The following MRPS6 variants were observed in gnomAD, a reference collection of about 807,000 sequenced individuals.
MRPS6 encodes mitochondrial ribosomal protein S6.
Under a neutral mutation model 13.1 loss-of-function variants are expected in MRPS6, and 6 were observed. That is an observed-to-expected ratio of 0.46 (90% CI 0.25 to 0.91). The LOEUF is 0.91. MRPS6 is among the 40% of genes least tolerant of loss of function. MRPS6 has a pLI of 0.18. For synonymous variants in MRPS6, 61 were observed against 56.5 expected (o/e 1.08, Z -0.36); for missense variants, 164 against 155.6 (o/e 1.05, Z -0.29).
At chr21:34,135,415 G>A (rs62212136) in intron 2 of MRPS6, 22,803 of 398,962 alleles carry the variant, frequency 0.057, 756 homozygotes, top group Middle Eastern at 0.096. Context: ...TGGTTTATTG[G>A]GCATCAGCTG....
At chr21:34,083,007 C>T (rs2148654100) in intron 1 of MRPS6, among the ~76,000 whole-genome samples, 1 of 152,264 alleles carries the variant, frequency 6.6e-6, no homozygotes, top group South Asian at 2.1e-4. Context: ...TTTATTGGAG[C>T]CCTCAATCCT....
intron 1 of MRPS6, among the ~76,000 whole-genome samples, chr21:34,077,577 A>G (rs1174142273): frequency 6.6e-6 from 1 of 152,186 alleles, no homozygotes; most frequent in Non-Finnish European, 1.5e-5. Flanking sequence ...GCATTTATAT[A>G]TATATATCTT....
At chr21:34,085,346 G>A (rs1978327821) in intron 1 of MRPS6, among the ~76,000 whole-genome samples, 1 of 152,148 alleles carries the variant, frequency 6.6e-6, no homozygotes, top group African/African-American at 2.4e-5. Context: ...CACACCGGGA[G>A]GCATACCACT....
intron 1 of MRPS6, among the ~76,000 whole-genome samples, chr21:34,114,764 A>G (rs1341080271): frequency 6.6e-6 from 1 of 152,234 alleles, no homozygotes; most frequent in Non-Finnish European, 1.5e-5. Flanking sequence ...TGATTAAGGA[A>G]CAAAGGTACA....
rs1046176166 is a variant in MRPS6, at chr21:34,097,474, A to G, written c.45+23729A>G. 2.1e-5 allele frequency: 30 copies of G among 1,450,360 alleles called. No individual in the cohort carries two copies. The African/African-American group carries it at 3.9e-4, about 19-fold the overall frequency. The allele number at this position is 1,450,360 out of a possible 1,614,324, so 89.8% of individuals were successfully genotyped here. A position where few individuals can be genotyped will look rare whatever the true frequency, so the allele number is the denominator to read the frequency against. On this transcript the variant is annotated intron_variant, in intron 1 of 2. Transcript: ENST00000399312. ...ACGCTGTAGGTTTTAGCCAAATTTT[A>G]CTTAGCAGAAAATCATCTAATTACA... is the stretch of plus-strand genomic sequence containing the variant.
intron 1 of MRPS6, among the ~76,000 whole-genome samples, chr21:34,093,293 T>C (rs1978802517): frequency 6.6e-6 from 1 of 151,768 alleles, no homozygotes; most frequent in Non-Finnish European, 1.5e-5. Flanking sequence ...ATGCCAGCCG[T>C]TGACACTTAG....
At chr21:34,111,660 TGAG>T (rs1979704562) in intron 1 of MRPS6, among the ~76,000 whole-genome samples, 1 of 152,290 alleles carries the variant, frequency 6.6e-6, no homozygotes, top group South Asian at 2.1e-4. Flanking sequence ...TTTCAGTAAT[TGAG>T]GAGAGACACT....
chr21:34,107,438 G>A (rs1312717326), intron 1 of MRPS6, among the ~76,000 whole-genome samples: 4 of 152,190 alleles, frequency 2.6e-5, no homozygotes, highest in Non-Finnish European at 5.9e-5. Context: ...TCTTGGTTAA[G>A]GTGGTGTCCA....
At chr21:34,091,535 A>G (rs1436156886) in intron 1 of MRPS6, among the ~76,000 whole-genome samples, 1 of 152,174 alleles carries the variant, frequency 6.6e-6, no homozygotes, top group African/African-American at 2.4e-5. Context: ...AGGAGTGCTT[A>G]TTTAAATTTG....
At chr21:34,076,769 G>T (rs900796042) in intron 1 of MRPS6, among the ~76,000 whole-genome samples, 2 of 152,156 alleles carry the variant, frequency 1.3e-5, no homozygotes, top group Non-Finnish European at 2.9e-5. Flanking sequence ...CAAGCAATTT[G>T]AAAAACCAGT....
chr21:34,124,923 G>A (rs1980247084), intron 1 of MRPS6: 1 of 154,150 alleles, frequency 6.5e-6, no homozygotes, highest in African/African-American at 2.4e-5. Context: ...TACAGTTTTG[G>A]TGGGATGGGC....
chr21:34,113,178 G>T (rs1189227740), intron 1 of MRPS6, among the ~76,000 whole-genome samples: 1 of 152,168 alleles, frequency 6.6e-6, no homozygotes, highest in African/African-American at 2.4e-5. Flanking sequence ...ACAGTATGGA[G>T]ATTTCTCAAA....
chr21:34,136,906 T>C lies in MRPS6; in HGVS notation c.186-5502T>C, dbSNP rs539027928. On this transcript the variant is annotated intron_variant, in intron 2 of 2. Coordinates refer to ENST00000399312, the MANE Select transcript of MRPS6 (RefSeq NM_032476.4). ...ACATTTAAATCTGTCCCATTTTGAG[T>C]TAATTTTTTAAATGGTACAAGTAGG... 8.2e-4 allele frequency among the ~76,000 whole-genome samples: 125 copies of C among 152,348 alleles called. 4 individuals carry two copies. The South Asian group carries it at 0.025, about 31-fold the overall frequency.
chr21:34,077,091 G>A (rs1003180587), intron 1 of MRPS6, among the ~76,000 whole-genome samples: 1 of 152,212 alleles, frequency 6.6e-6, no homozygotes, highest in African/African-American at 2.4e-5. Context: ...AGGTAGATGA[G>A]GAGAAGGGGT....
rs142658622 is a variant in MRPS6 at position 34,086,653 on chromosome 21, A to G, written c.45+12908A>G. ...CCTCTCAAATGTCCTCAGTTTTCTC[A>G]TTTGTAAATTGGGGATCATTATCAT... On this transcript the variant is annotated intron_variant, in intron 1 of 2. Transcript: ENST00000399312. 1.9e-4 allele frequency among the ~76,000 whole-genome samples: 29 copies of G among 152,018 alleles called. 2 individuals are homozygous for G. Among genetic ancestry groups the G allele is most frequent in the African/African-American group, 6.5e-4 (27 of 41,418 alleles).
At chr21:34,098,902 T>G in intron 1 of MRPS6, 1 of 996,754 alleles carries the variant, frequency 1.0e-6, no homozygotes, top group Non-Finnish European at 1.2e-6. Flanking sequence ...CTTTAATCTC[T>G]GATACTTTTT....
At position 34,142,436 on chromosome 21, in the gene MRPS6, A is replaced by G. The variant is rs1980937085; in HGVS notation, c.214A>G (p.Thr72Ala). The G allele has an allele frequency of 1.3e-6, 2 of 1,592,518 alleles. No homozygotes were observed. Among genetic ancestry groups the G allele is most frequent in the Non-Finnish European group, 1.7e-6 (2 of 1,171,634 alleles). ...TTTCTTGGTGGATTTTTATGCACCC[A>G]CCGCAGCTGTTGAAAGCATGGTGGA... Reference protein sequence around the residue: ...GYFLVDFYAPTAAVESMVEHL... With the variant: ...GYFLVDFYAPAAAVESMVEHL... The change falls in exon 3 of 3, where the codon ACC (threonine) becomes GCC (alanine). Residue 72 changes from threonine (T) to alanine (A), a missense_variant. Physicochemically the swap from Thr to Ala is moderately conservative, Grantham distance 58. Transcript: ENST00000399312.
At chr21:34,106,258 T>C (rs1001107294) in intron 1 of MRPS6, 4 of 807,810 alleles carry the variant, frequency 5.0e-6, no homozygotes, top group Admixed American at 1.2e-4. Context: ...AATGAAAAAT[T>C]TATATTTCTG....
At chr21:34,135,572 G>C (rs1009604483) in intron 2 of MRPS6, 1 of 452,198 alleles carries the variant, frequency 2.2e-6, no homozygotes, top group Admixed American at 2.5e-5. Context: ...GCACCCTCAA[G>C]AGTGCCTGTG....
Sources: gnomAD v4.1 joint callset for allele counts (sites outside exome capture counted in the v4.1 genomes callset) on GRCh38, gnomAD v4.1.1 for gene constraint, MANE v1.5 for transcripts, NCBI Gene and HGNC (gene_info 2026-07-23, HGNC 2026-07-21) for gene names.